Variants in SLIT3 observed in about 807,000 individuals in gnomAD.
SLIT3 encodes the protein slit guidance ligand 3, also known as slit homolog 3 protein.
Under a neutral mutation model 184.0 loss-of-function variants are expected in SLIT3, and 68 were observed. The ratio of observed to expected loss-of-function variants is 0.37; its 90% CI spans 0.30 to 0.45. SLIT3 has a LOEUF of 0.45. Among genes scored for constraint, SLIT3 ranks in the 20% least tolerant of loss-of-function variants. The probability of loss-of-function intolerance (pLI) is 1.00; values close to 1 mark genes in which losing one functional copy is unlikely to be tolerated. For missense variants in SLIT3, 1,707 were observed against 2,026.0 expected (o/e 0.84, Z 3.02); for synonymous variants, 831 against 828.6 (o/e 1.00, Z -0.05).
intron 1 of SLIT3, among the ~76,000 whole-genome samples, chr5:169,275,281 A>T (rs895286763): frequency 3.3e-5 from 5 of 152,312 alleles, no homozygotes; most frequent in Admixed American, 2.0e-4. Flanking sequence ...TTGGTGACCC[A>T]TCAGTTAGTT....
At chr5:169,133,081 T>C (rs771058468) in intron 4 of SLIT3, among the ~76,000 whole-genome samples, 1 of 152,224 alleles carries the variant, frequency 6.6e-6, no homozygotes, top group East Asian at 1.9e-4. Flanking sequence ...TTAGCTGTGA[T>C]GATGGCTAGC....
intron 1 of SLIT3, among the ~76,000 whole-genome samples, chr5:169,279,988 A>G (rs990407231): frequency 2.6e-5 from 4 of 152,252 alleles, no homozygotes; most frequent in Admixed American, 1.3e-4. Context: ...CTTGGCAATC[A>G]TCAATGCTAC....
At chr5:168,841,873 G>A (rs916597882) in intron 6 of SLIT3, among the ~76,000 whole-genome samples, 15 of 152,180 alleles carry the variant, frequency 9.9e-5, no homozygotes, top group Admixed American at 3.9e-4. Flanking sequence ...AAACATACCC[G>A]AAACATTACA....
chr5:168,714,929 C>T (rs1335858797), intron 23 of SLIT3, among the ~76,000 whole-genome samples: 2 of 152,214 alleles, frequency 1.3e-5, no homozygotes, highest in Non-Finnish European at 2.9e-5. Context: ...AGGGCACCAT[C>T]AGGGCAACAT....
chr5:168,997,178 A>C (rs903338951), intron 4 of SLIT3, among the ~76,000 whole-genome samples: 2 of 152,066 alleles, frequency 1.3e-5, no homozygotes, highest in Admixed American at 6.5e-5. Flanking sequence ...CTTCCCAGAC[A>C]CAGGGTCTGG....
Position 169,207,009 on chromosome 5 carries a change from A to G in SLIT3, c.342-13459T>C, listed in dbSNP as rs527323523. 8.0e-5 allele frequency among the ~76,000 whole-genome samples: 12 copies of G among 149,896 alleles called. No homozygotes were observed. The South Asian group carries it at 1.7e-3, about 21-fold the overall frequency. On this transcript the variant is annotated intron_variant, in intron 3 of 35. Transcript: ENST00000519560. ...GGGAAAGGGGCACTTTTCAGATTGCATTGTCACTTCGATCTGATTGAATCT... is the reference window on the plus strand; with the variant it reads ...GGGAAAGGGGCACTTTTCAGATTGCGTTGTCACTTCGATCTGATTGAATCT...
chr5:169,197,963 C>T (rs1430998530), intron 3 of SLIT3, among the ~76,000 whole-genome samples: 3 of 152,106 alleles, frequency 2.0e-5, no homozygotes, highest in Non-Finnish European at 2.9e-5. Context: ...GAAGTTTTTG[C>T]CACTTCATCG....
intron 4 of SLIT3, among the ~76,000 whole-genome samples, chr5:169,104,961 G>C (rs1489536554): frequency 1.3e-5 from 2 of 152,190 alleles, no homozygotes; most frequent in Non-Finnish European, 2.9e-5. Context: ...TTCATGTCAA[G>C]AAAAGAATTA....
intron 4 of SLIT3, among the ~76,000 whole-genome samples, chr5:169,152,436 T>C (rs146893019): frequency 2.0e-5 from 3 of 152,288 alleles, no homozygotes; most frequent in East Asian, 1.9e-4. Context: ...GACCTCTAAA[T>C]GTAAGTCACC....
At chr5:169,255,558 C>T (rs114601922) in intron 1 of SLIT3, among the ~76,000 whole-genome samples, 7,138 of 152,018 alleles carry the variant, frequency 0.047, 239 homozygotes, top group Non-Finnish European at 0.071. Flanking sequence ...AGTGTTATTA[C>T]GAAGGAATAA....
chr5:168,667,849 TGTGTGC>T (rs1228798618), intron 35 of SLIT3: 10 of 152,154 alleles, frequency 6.6e-5, no homozygotes, highest in Non-Finnish European at 1.2e-4. Context: ...TTAATGACAA[TGTGTGC>T]ATGTGCATGT....
At chr5:168,880,842 C>G (rs971018909) in intron 5 of SLIT3, among the ~76,000 whole-genome samples, 1 of 152,230 alleles carries the variant, frequency 6.6e-6, no homozygotes, top group Non-Finnish European at 1.5e-5. Context: ...TGAGCTCTGA[C>G]AGCCCCTCAT....
intron 20 of SLIT3, among the ~76,000 whole-genome samples, chr5:168,732,072 G>C (rs990802856): frequency 6.6e-5 from 10 of 152,042 alleles, no homozygotes; most frequent in African/African-American, 2.4e-4. Context: ...AAAACTGTTA[G>C]ACTTAATAAA....
chr5:168,737,655 T>C (rs534392993), intron 20 of SLIT3, among the ~76,000 whole-genome samples: 1 of 152,314 alleles, frequency 6.6e-6, no homozygotes, highest in Non-Finnish European at 1.5e-5. Flanking sequence ...CAAAAATATA[T>C]GTCTAAACAT....
chr5:168,969,013 TGGA>T (rs1754451443), intron 4 of SLIT3, among the ~76,000 whole-genome samples: 1 of 152,166 alleles, frequency 6.6e-6, no homozygotes, highest in African/African-American at 2.4e-5. Context: ...CAACTTGGTC[TGGA>T]GGAGTTTTGT....
chr5:168,856,388 A>C (rs4588606), intron 5 of SLIT3, among the ~76,000 whole-genome samples: 2,084 of 152,310 alleles, frequency 0.014, 75 homozygotes, highest in Admixed American at 0.074. Context: ...ACCTGATTCT[A>C]TCTGGGTGTG....
At chr5:168,864,939 G>A (rs1022073083) in intron 5 of SLIT3, among the ~76,000 whole-genome samples, 4 of 151,786 alleles carry the variant, frequency 2.6e-5, no homozygotes, top group East Asian at 1.9e-4. Context: ...AGACCGAGGC[G>A]GGTGGATCAC....
chr5:168,993,773 G>T, intron 4 of SLIT3, among the ~76,000 whole-genome samples: 1 of 152,206 alleles, frequency 6.6e-6, no homozygotes, highest in East Asian at 1.9e-4. Flanking sequence ...TCCTGGTCAG[G>T]GGCCACCTTC....
At chr5:169,167,572 G>A (rs72833930) in intron 4 of SLIT3, among the ~76,000 whole-genome samples, 14,385 of 151,988 alleles carry the variant, frequency 0.095, 846 homozygotes, top group South Asian at 0.15. Flanking sequence ...CACCGCGCCC[G>A]GCCTCTAAGC....
Sources: gnomAD v4.1 joint callset for allele counts (sites outside exome capture counted in the v4.1 genomes callset) on GRCh38, gnomAD v4.1.1 for gene constraint, MANE v1.5 for transcripts, NCBI Gene and HGNC (gene_info 2026-07-23, HGNC 2026-07-21) for gene names.